Variants in IL17RB observed in about 807,000 individuals in gnomAD.
IL17RB encodes the protein interleukin 17 receptor B.
A neutral mutation model predicts 43.9 loss-of-function variants in IL17RB; 36 were observed. The observed-to-expected ratio is 0.82, with a 90% CI of 0.63 to 1.08. The LOEUF (loss-of-function observed/expected upper bound fraction) is 1.08. Ranked by LOEUF, IL17RB falls within the 50% of genes least tolerant of loss-of-function variation. IL17RB has a pLI of 0.00. For synonymous variants in IL17RB, 225 were observed against 225.4 expected, an observed-to-expected ratio of 1.00 and a Z score of 0.02; for missense variants, 613 against 613.6, an observed-to-expected ratio of 1.00 and a Z score of 0.01.
chr3:53,852,857 G>C lies in IL17RB; in HGVS notation c.355-14G>C. The C allele has an allele frequency of 6.2e-7, 1 of 1,613,030 alleles. No individual in the cohort carries two copies. The highest frequency in any genetic ancestry group is 8.5e-7 in the Non-Finnish European group (1 of 1,179,114). ...GTGTTTTGGGAATTGAGAGTTCCTT[G>C]CTTTGCCTTTCAGTGGACATTTTCC... On this transcript the variant is annotated splice_polypyrimidine_tract_variant and intron_variant, in intron 4 of 10. Coordinates refer to ENST00000288167, the MANE Select transcript of IL17RB (RefSeq NM_018725.4).
At position 53,865,353 on chromosome 3, in the gene IL17RB, C is replaced by G; in HGVS notation, c.*45C>G. 6.9e-7 allele frequency: 1 copy of G among 1,457,484 alleles called. No homozygotes were observed. 90.3% of individuals were successfully genotyped at this position (1,457,484 alleles called of 1,614,324 possible). ...AGACCTTAAAGGCTTCCTATCCCACCAATTACAGGGAAAAAACGTGTGATG... is the reference window on the plus strand; with the variant it reads ...AGACCTTAAAGGCTTCCTATCCCACGAATTACAGGGAAAAAACGTGTGATG... On this transcript the variant is annotated 3_prime_UTR_variant, in exon 11 of 11. Transcript: ENST00000288167.
In IL17RB at chr3:53,865,370, CGT is replaced by C. The variant is rs1009117826; in HGVS notation, c.*66_*67del. The C allele has an allele frequency of 4.6e-6, 6 of 1,316,100 alleles. No homozygotes were observed. In the African/African-American group the frequency reaches 8.8e-5, roughly 19 times the overall value. The allele number at this position is 1,316,100 out of a possible 1,614,324, so 81.5% of individuals were successfully genotyped here. On this transcript the variant is annotated 3_prime_UTR_variant, in exon 11 of 11. Coordinates refer to ENST00000288167, the MANE Select transcript of IL17RB (RefSeq NM_018725.4). ...TATCCCACCAATTACAGGGAAAAAA[CGT>C]GTGATGATCCTGAAGCTTACTATGC...
At position 53,856,989 on chromosome 3, in the gene IL17RB, A is replaced by T. The variant is rs765502228; in HGVS notation, c.672+3A>T. 5 of 1,613,766 alleles carry T rather than the reference A, an allele frequency of 3.1e-6. No homozygotes were observed. In the South Asian group the frequency reaches 5.5e-5, roughly 18 times the overall value. On this transcript the variant is annotated splice_donor_region_variant and intron_variant, in intron 7 of 10. Coordinates refer to ENST00000288167, the MANE Select transcript of IL17RB (RefSeq NM_018725.4). Reference sequence around the variant, plus strand: ...TCGGGTTTTCTCAGGTGTTTGAGGTACTTTTTCTCTTCGTCCCCTTCACCT... The same window carrying T: ...TCGGGTTTTCTCAGGTGTTTGAGGTTCTTTTTCTCTTCGTCCCCTTCACCT...
At chr3:53,858,671 T>C in intron 8 of IL17RB, 48 bp from the exon 9 acceptor site, 1 of 1,602,816 alleles carries the variant, frequency 6.2e-7, no homozygotes, top group Non-Finnish European at 8.5e-7. Context: ...GGTGAGATTT[T>C]GCTCTGATGC....
At chr3:53,848,811 G>T (rs1699030494) in intron 2 of IL17RB, 123 bp downstream of exon 2, 35 of 1,015,106 alleles carry the variant, frequency 3.4e-5, no homozygotes, top group Non-Finnish European at 3.8e-5. Context: ...TTGCTTTATT[G>T]GCTGATGCAG....
In IL17RB at chr3:53,860,159, C is replaced by T. The variant is rs753724797; in HGVS notation, c.877C>T (p.Leu293Phe). The change falls in exon 10 of 11, where the codon CTC (leucine) becomes TTC (phenylalanine). Residue 293 changes from leucine to phenylalanine, a missense_variant. Transcript: ENST00000288167. ...NKSKPGGWLPLLLLSLLVATW... is the reference protein window; with the variant it reads ...NKSKPGGWLPFLLLSLLVATW... ...AAGCAAGCCGGGAGGCTGGCTGCCT[C>T]TCCTCCTGCTGTCTCTGCTGGTGGC... 1.9e-6 allele frequency: 3 copies of T among 1,613,948 alleles called. No individual in the cohort carries two copies. Among genetic ancestry groups the T allele is most frequent in the African/African-American group, 1.3e-5 (1 of 74,946 alleles).
intron 5 of IL17RB, 73 bp downstream of exon 5, chr3:53,853,070 C>T: frequency 3.2e-6 from 5 of 1,576,082 alleles, no homozygotes; most frequent in Middle Eastern, 1.9e-4. Context: ...CAGAGAGAGC[C>T]CAGGGAACCC....
In IL17RB at chr3:53,865,066, T is replaced by C. The variant is rs1285508920; in HGVS notation, c.1267T>C (p.Phe423Leu). 3.7e-6 allele frequency: 6 copies of C among 1,614,164 alleles called. No homozygotes were observed. Among genetic ancestry groups the C allele is most frequent in the Non-Finnish European group, 5.1e-6 (6 of 1,179,986 alleles). ...TCCCAGTGAGAACTCTCAAGACCTCTTCCCCCTTGCCTTTAACCTTTTCTG... is the reference window on the plus strand; with the variant it reads ...TCCCAGTGAGAACTCTCAAGACCTCCTCCCCCTTGCCTTTAACCTTTTCTG... ...GSPSENSQDLFPLAFNLFCSD... is the reference protein window; with the variant it reads ...GSPSENSQDLLPLAFNLFCSD... The change falls in exon 11 of 11, where the codon TTC (phenylalanine) becomes CTC (leucine). Residue 423 changes from phenylalanine (F) to leucine (L), a missense_variant. Physicochemically the swap from Phe to Leu is conservative, Grantham distance 22. Transcript: ENST00000288167.
In IL17RB at chr3:53,858,766, AGG is replaced by A; in HGVS notation, c.796_797del (p.Gly266AsnfsTer16). 1 of 1,614,208 alleles carries A rather than the reference AGG, an allele frequency of 6.2e-7. No individual in the cohort carries two copies. Among genetic ancestry groups the A allele is most frequent in the Non-Finnish European group, 8.5e-7 (1 of 1,180,042 alleles). On this transcript the variant is annotated frameshift_variant, in exon 9 of 11. Coordinates refer to ENST00000288167, the MANE Select transcript of IL17RB (RefSeq NM_018725.4). LOFTEE classifies it high-confidence loss of function. ...TCGSDCIRHK[G>X]TVVLCPQTGV... is the part of the protein sequence containing the mutation. ...GTGGCAGCGACTGCATCCGACATAA[AGG>A]AACAGTTGTGCTCTGCCCACAAACA...
At chr3:53,855,016 C>T (rs563918368) in intron 5 of IL17RB, among the ~76,000 whole-genome samples, 8 of 150,850 alleles carry the variant, frequency 5.3e-5, no homozygotes, top group South Asian at 2.1e-4. Flanking sequence ...ACTCAGGAGC[C>T]TGAGGCAGGA....
Position 53,865,509 on chromosome 3 carries a change from G to T in IL17RB, c.*201G>T. On this transcript the variant is annotated 3_prime_UTR_variant, in exon 11 of 11. Transcript: ENST00000288167. The stretch of plus-strand genomic sequence containing the variant: ...TGGAAACTACATTTACAACTTCAAA[G>T]CTGTTTTATACATAGAAATCAATTA... The T allele has an allele frequency of 3.8e-6, 2 of 531,536 alleles. No individual in the cohort carries two copies. The highest frequency in any genetic ancestry group is 3.0e-5 in the South Asian group (1 of 33,864). The allele number at this position is 531,536 out of a possible 1,614,324, so 32.9% of individuals were successfully genotyped here. A position where few individuals can be genotyped will look rare whatever the true frequency, so the allele number is the denominator to read the frequency against.
chr3:53,856,430 C>G (rs368605630), intron 6 of IL17RB, among the ~76,000 whole-genome samples: 4 of 152,326 alleles, frequency 2.6e-5, no homozygotes, highest in Admixed American at 1.3e-4. Flanking sequence ...ACAAAATATT[C>G]TAGTGGTTGT....
At position 53,852,099 on chromosome 3, in the gene IL17RB, G is replaced by A; in HGVS notation, c.327G>A (p.Gln109=). 1 of 1,614,148 alleles carries A rather than the reference G, an allele frequency of 6.2e-7. No homozygotes were observed. Among genetic ancestry groups the A allele is most frequent in the Non-Finnish European group, 8.5e-7 (1 of 1,180,032 alleles). Residue 109 remains glutamine (Q), a synonymous_variant, in exon 4 of 11, where the codon CAG becomes CAA. Transcript: ENST00000288167. ...CVRCNYTEAF[Q]TQTRPSGGKW... is the part of the protein sequence containing the mutation. ...GGTGCAATTACACAGAGGCCTTCCAGACTCAGACCAGACCCTCTGGTGGTA... is the reference window on the plus strand; with the variant it reads ...GGTGCAATTACACAGAGGCCTTCCAAACTCAGACCAGACCCTCTGGTGGTA...
chr3:53,858,846 G>A, intron 9 of IL17RB, 28 bp downstream of exon 9: 1 of 1,559,014 alleles, frequency 6.4e-7, no homozygotes, highest in Non-Finnish European at 8.8e-7. Flanking sequence ...TCAACCAGAT[G>A]ATCAAAGTGG....
In IL17RB at chr3:53,865,433, T is replaced by C; in HGVS notation, c.*125T>C. Reference sequence around the variant, plus strand: ...CAGCCTTAGTAATTAAAACATTTTATACCAATAAAATTTTCAAATATTGCT... The same window carrying C: ...CAGCCTTAGTAATTAAAACATTTTACACCAATAAAATTTTCAAATATTGCT... On this transcript the variant is annotated 3_prime_UTR_variant, in exon 11 of 11. Coordinates refer to ENST00000288167, the MANE Select transcript of IL17RB (RefSeq NM_018725.4). 1.4e-6 allele frequency: 1 copy of C among 696,378 alleles called. No homozygotes were observed. The highest frequency in any genetic ancestry group is 2.2e-6 in the Non-Finnish European group (1 of 445,204). The allele number at this position is 696,378 out of a possible 1,614,324, so 43.1% of individuals were successfully genotyped here. A position where few individuals can be genotyped will look rare whatever the true frequency, so the allele number is the denominator to read the frequency against.
chr3:53,856,983 T>G lies in IL17RB; in HGVS notation c.669T>G (p.Phe223Leu), dbSNP rs375255662. 148 of 1,613,828 alleles carry G rather than the reference T, an allele frequency of 9.2e-5. No individual in the cohort carries two copies. The highest frequency in any genetic ancestry group is 1.3e-4 in the Non-Finnish European group (148 of 1,180,036). Residue 223 changes from phenylalanine to leucine, a missense_variant, in exon 7 of 11, where the codon TTT becomes TTG. Transcript: ENST00000288167. Reference sequence around the variant, plus strand: ...CTATCATCGGGTTTTCTCAGGTGTTTGAGGTACTTTTTCTCTTCGTCCCCT... The same window carrying G: ...CTATCATCGGGTTTTCTCAGGTGTTGGAGGTACTTTTTCTCTTCGTCCCCT... ...HSTIIGFSQV[F>L]EPHQKKQTRA...
At chr3:53,852,814 T>C in intron 4 of IL17RB, 57 bp from the exon 5 acceptor site, 2 of 1,567,298 alleles carry the variant, frequency 1.3e-6, no homozygotes, top group Non-Finnish European at 1.8e-6. Flanking sequence ...CACTAAGGTA[T>C]ACTGTTTCTG....
Position 53,849,683 on chromosome 3 carries a change from T to A in IL17RB, c.114T>A (p.His38Gln). Reference protein sequence around the residue: ...TGPSPEWMLQHDLIPGDLRDL... With the variant: ...TGPSPEWMLQQDLIPGDLRDL... ...CATCTCCAGAGTGGATGCTACAACA[T>A]GATCTAATCCCCGGAGACTTGAGGG... The change falls in exon 3 of 11, where the codon CAT becomes CAA. Residue 38 changes from histidine (H) to glutamine (Q), a missense_variant. His to Gln is a conservative substitution (Grantham distance 24). Coordinates refer to ENST00000288167, the MANE Select transcript of IL17RB (RefSeq NM_018725.4). 1.2e-6 allele frequency: 2 copies of A among 1,612,326 alleles called. No individual in the cohort carries two copies. Among genetic ancestry groups the A allele is most frequent in the Non-Finnish European group, 1.7e-6 (2 of 1,179,184 alleles).
In IL17RB at chr3:53,858,003, T is replaced by G. The variant is rs78122089; in HGVS notation, c.747+313T>G. 4,624 of 326,178 alleles carry G rather than the reference T, an allele frequency of 0.014. 268 individuals are homozygous for G. In the East Asian group the frequency reaches 0.15, roughly 11 times the overall value. The allele number at this position is 326,178 out of a possible 1,614,324, so 20.2% of individuals were successfully genotyped here. ...CTTCCGCAAGCCTTTAACTGCAAGA[T>G]GAAGCTGCAAAGGGTTTGAAATGGG... On this transcript the variant is annotated intron_variant, in intron 8 of 10. Transcript: ENST00000288167.
Sources: allele counts gnomAD v4.1 joint callset (sites outside exome capture counted in the v4.1 genomes callset), GRCh38; gene constraint gnomAD v4.1.1; transcripts MANE v1.5; gene names NCBI Gene and HGNC (gene_info 2026-07-23, HGNC 2026-07-21).